GALNT13: variants seen among roughly 807,000 people sequenced by gnomAD.
GALNT13 encodes polypeptide N-acetylgalactosaminyltransferase 13.
GALNT13 carries 28 observed loss-of-function variants against 64.2 expected under a neutral mutation model. That is an observed-to-expected ratio of 0.44 (90% CI 0.32 to 0.60). The LOEUF (loss-of-function observed/expected upper bound fraction) is 0.60. Among genes scored for constraint, GALNT13 ranks in the 20% least tolerant of loss-of-function variants. The pLI is 0.05. For missense variants in GALNT13, 577 were observed against 669.8 expected, an observed-to-expected ratio of 0.86 and a Z score of 1.53; for synonymous variants, 214 against 224.6, an observed-to-expected ratio of 0.95 and a Z score of 0.42.
At chr2:153,622,932 A>G in the GALNT13 span, among the ~76,000 whole-genome samples, 1 of 152,138 alleles carries the variant, frequency 6.6e-6, no homozygotes, top group Admixed American at 6.6e-5. Context: ...GAATTAACAC[A>G]TGATTGCAGC....
chr2:153,922,089 C>G (rs1464781735), intron 2 of GALNT13, among the ~76,000 whole-genome samples: 3 of 151,942 alleles, frequency 2.0e-5, no homozygotes, highest in Non-Finnish European at 4.4e-5. Context: ...CATATCTTTC[C>G]CAGAAATGTG....
At chr2:153,295,554 T>C in the GALNT13 span, among the ~76,000 whole-genome samples, 1 of 150,398 alleles carries the variant, frequency 6.6e-6, no homozygotes, top group Non-Finnish European at 1.5e-5. Context: ...AAGAATCCTG[T>C]GCTCCACCTC....
the GALNT13 span, among the ~76,000 whole-genome samples, chr2:153,828,262 G>T: frequency 6.6e-6 from 1 of 152,218 alleles, no homozygotes; most frequent in Non-Finnish European, 1.5e-5. Flanking sequence ...GGGACTCTGT[G>T]TTGGGGCTCC....
the GALNT13 span, among the ~76,000 whole-genome samples, chr2:153,516,669 G>T: frequency 1.3e-5 from 2 of 151,884 alleles, no homozygotes; most frequent in Non-Finnish European, 2.9e-5. Flanking sequence ...TTTTATAGAG[G>T]GAGAAAGGGA....
the GALNT13 span, among the ~76,000 whole-genome samples, chr2:153,683,701 G>C: frequency 6.6e-6 from 1 of 151,580 alleles, no homozygotes; most frequent in Non-Finnish European, 1.5e-5. Context: ...GAGTCCCAAG[G>C]AGGCTCTCTC....
At chr2:153,356,850 T>C in the GALNT13 span, among the ~76,000 whole-genome samples, 1 of 136,046 alleles carries the variant, frequency 7.4e-6, no homozygotes, top group Non-Finnish European at 1.5e-5. Context: ...CAGGCTGGAG[T>C]GCAGTGGTGT....
chr2:154,326,326 C>CA (rs35753554), intron 9 of GALNT13, among the ~76,000 whole-genome samples: 13,851 of 94,852 alleles, frequency 0.15, 783 homozygotes, highest in African/African-American at 0.21. Flanking sequence ...GGGATTTCTG[C>CA]AAAAAAAAAA....
At chr2:154,153,570 G>A (rs969831710) in intron 4 of GALNT13, among the ~76,000 whole-genome samples, 24 of 152,226 alleles carry the variant, frequency 1.6e-4, no homozygotes, top group African/African-American at 5.5e-4. Context: ...TCCTTGAGCT[G>A]TGGTGGGCTC....
intron 8 of GALNT13, among the ~76,000 whole-genome samples, chr2:154,261,322 T>G (rs1044971846): frequency 6.6e-6 from 1 of 152,200 alleles, no homozygotes; most frequent in Non-Finnish European, 1.5e-5. Context: ...TTAAAATGTA[T>G]TATTATCTTT....
chr2:154,425,004 T>A (rs1202353940), intron 11 of GALNT13, among the ~76,000 whole-genome samples: 1 of 152,198 alleles, frequency 6.6e-6, no homozygotes, highest in East Asian at 1.9e-4. Context: ...TGGTAATAAT[T>A]CCAAGGTAAA....
chr2:153,222,759 G>T, the GALNT13 span, among the ~76,000 whole-genome samples: 2 of 152,322 alleles, frequency 1.3e-5, no homozygotes, highest in South Asian at 4.1e-4. Context: ...CCCGGGCTGT[G>T]ACAGTGTCCC....
At chr2:153,535,313 C>G in the GALNT13 span, among the ~76,000 whole-genome samples, 1 of 147,454 alleles carries the variant, frequency 6.8e-6, no homozygotes, top group Admixed American at 6.8e-5. Flanking sequence ...TAGAGAGTGC[C>G]TAAGGAGATT....
At chr2:153,234,796 A>G in the GALNT13 span, among the ~76,000 whole-genome samples, 6 of 152,196 alleles carry the variant, frequency 3.9e-5, no homozygotes, top group African/African-American at 1.2e-4. Flanking sequence ...TTCACATCTA[A>G]TTTTGAAAGG....
chr2:153,884,468 A>G (rs1176493769), intron 1 of GALNT13, among the ~76,000 whole-genome samples: 1 of 151,866 alleles, frequency 6.6e-6, no homozygotes, highest in Non-Finnish European at 1.5e-5. Flanking sequence ...GGTTTACTAT[A>G]TAAAGAAATA....
chr2:153,494,166 T>C, the GALNT13 span, among the ~76,000 whole-genome samples: 1 of 152,198 alleles, frequency 6.6e-6, no homozygotes, highest in East Asian at 1.9e-4. Context: ...AGATGTACCA[T>C]GTTTACACAT....
the GALNT13 span, among the ~76,000 whole-genome samples, chr2:153,314,716 C>G: frequency 7.5e-6 from 1 of 133,082 alleles, no homozygotes; most frequent in Non-Finnish European, 1.6e-5. Flanking sequence ...ATAGATAATA[C>G]TTTGAGATAA....
intron 5 of GALNT13, 151 bp from the exon 6 acceptor site, chr2:154,242,547 T>A: frequency 1.7e-6 from 1 of 602,880 alleles, no homozygotes; most frequent in Non-Finnish European, 2.9e-6. Context: ...AATTAACTAA[T>A]GAAATCTCTA....
the GALNT13 span, among the ~76,000 whole-genome samples, chr2:153,864,432 A>G: frequency 6.6e-6 from 1 of 152,098 alleles, no homozygotes; most frequent in South Asian, 2.1e-4. Context: ...GCAATTGTGA[A>G]TGGGAGTTCA....
At chr2:153,895,944 G>T (rs1687856067) in intron 1 of GALNT13, among the ~76,000 whole-genome samples, 3 of 150,426 alleles carry the variant, frequency 2.0e-5, no homozygotes, top group South Asian at 2.1e-4. Context: ...GATAAAAAAA[G>T]ATATTGTCAC....
Sources: gnomAD v4.1 joint callset for allele counts (sites outside exome capture counted in the v4.1 genomes callset) on GRCh38, gnomAD v4.1.1 for gene constraint, MANE v1.5 for transcripts, NCBI Gene and HGNC (gene_info 2026-07-23, HGNC 2026-07-21) for gene names.